Variants in AOPEP observed in about 807,000 individuals in gnomAD.
The protein encoded by AOPEP is aminopeptidase O (putative).
A neutral mutation model predicts 98.1 loss-of-function variants in AOPEP; 77 were observed. The observed-to-expected ratio is 0.78, with a 90% CI of 0.65 to 0.95. The LOEUF is 0.95. AOPEP is among the 40% of genes least tolerant of loss of function. The pLI, the probability that AOPEP is intolerant of heterozygous loss-of-function variation, is 0.00. For synonymous variants in AOPEP, 346 were observed against 365.3 expected, an observed-to-expected ratio of 0.95 and a Z score of 0.60; for missense variants, 1,024 against 1,024.7, an observed-to-expected ratio of 1.00 and a Z score of 0.01.
chr9:95,135,564 A>G, the AOPEP span: 1 of 1,463,802 alleles, frequency 6.8e-7, no homozygotes, highest in South Asian at 1.2e-5. Context: ...AGAAGATTAA[A>G]AAAAGTTCAA....
At chr9:94,830,475 T>C (rs532495704) in intron 5 of AOPEP, among the ~76,000 whole-genome samples, 1 of 152,368 alleles carries the variant, frequency 6.6e-6, no homozygotes, top group East Asian at 1.9e-4. Flanking sequence ...ATGTCTTTGC[T>C]ATTGTGAATA....
intron 11 of AOPEP, chr9:95,004,189 C>A: frequency 2.2e-6 from 1 of 455,750 alleles, no homozygotes; most frequent in Non-Finnish European, 4.4e-6. Flanking sequence ...CGCCCCGGCC[C>A]GCCCTCACCG....
At chr9:94,757,385 A>G (rs1489233026) in intron 1 of AOPEP, among the ~76,000 whole-genome samples, 2 of 152,234 alleles carry the variant, frequency 1.3e-5, no homozygotes, top group East Asian at 1.9e-4. Flanking sequence ...CAAACGTTTC[A>G]TCACTTAAAA....
chr9:95,007,025 C>T (rs2062080523), intron 13 of AOPEP, among the ~76,000 whole-genome samples: 2 of 151,710 alleles, frequency 1.3e-5, no homozygotes, highest in Admixed American at 6.6e-5. Context: ...CCTCAGCCTC[C>T]CGAATAGCTG....
At chr9:95,088,280 G>C (rs1321407451), downstream of AOPEP, among the ~76,000 whole-genome samples, 3 of 151,238 alleles carry the variant, frequency 2.0e-5, no homozygotes, top group African/African-American at 7.3e-5. Flanking sequence ...CACGATCTCT[G>C]TACACTGCAA....
intron 14 of AOPEP, among the ~76,000 whole-genome samples, chr9:95,062,503 G>GA (rs1440129078): frequency 6.6e-6 from 1 of 152,228 alleles, no homozygotes; most frequent in Non-Finnish European, 1.5e-5. Flanking sequence ...CTGCAAGTGA[G>GA]AAGCCTATTC....
the AOPEP span, among the ~76,000 whole-genome samples, chr9:95,142,283 G>A: frequency 2.0e-5 from 3 of 152,056 alleles, no homozygotes; most frequent in South Asian, 2.1e-4. Context: ...GTGAGCCACC[G>A]TGCCCGGCCA....
chr9:94,889,565 G>T (rs1452780263), intron 5 of AOPEP, among the ~76,000 whole-genome samples: 1 of 151,502 alleles, frequency 6.6e-6, no homozygotes, highest in Non-Finnish European at 1.5e-5. Flanking sequence ...ATAGCTCACT[G>T]CAGCCTCGAC....
At chr9:95,150,113 C>G in the AOPEP span, 1 of 1,613,382 alleles carries the variant, frequency 6.2e-7, no homozygotes, top group Admixed American at 1.7e-5. Flanking sequence ...GAAATAATCA[C>G]TCAAATCTAA....
chr9:94,964,098 C>T (rs1014996514), intron 9 of AOPEP, among the ~76,000 whole-genome samples: 4 of 152,286 alleles, frequency 2.6e-5, no homozygotes, highest in South Asian at 2.1e-4. Flanking sequence ...AGAAGAATAT[C>T]GAACGCTATA....
intron 5 of AOPEP, among the ~76,000 whole-genome samples, chr9:94,903,009 C>T (rs2050625358): frequency 6.8e-6 from 1 of 146,686 alleles, no homozygotes. Context: ...AAGACAGAGT[C>T]TCATTCTGTC....
intron 13 of AOPEP, among the ~76,000 whole-genome samples, chr9:95,035,890 G>GCCC (rs1335455807): frequency 2.0e-5 from 3 of 151,860 alleles, no homozygotes; most frequent in African/African-American, 7.3e-5. Flanking sequence ...GCAGGCACCG[G>GCCC]CCCCCAATCA....
At chr9:94,741,548 G>A (rs1320044797) in intron 1 of AOPEP, among the ~76,000 whole-genome samples, 1 of 152,060 alleles carries the variant, frequency 6.6e-6, no homozygotes, top group African/African-American at 2.4e-5. Context: ...TGAGATTACG[G>A]GTGTGAGCCA....
At chr9:95,045,113 C>T (rs2065722919) in intron 13 of AOPEP, among the ~76,000 whole-genome samples, 2 of 152,168 alleles carry the variant, frequency 1.3e-5, no homozygotes, top group Non-Finnish European at 2.9e-5. Flanking sequence ...TGCCCAAGGT[C>T]ACAAGGTGAG....
intron 10 of AOPEP, among the ~76,000 whole-genome samples, chr9:94,974,833 A>G (rs1052058366): frequency 3.9e-5 from 6 of 152,326 alleles, no homozygotes; most frequent in Non-Finnish European, 7.4e-5. Context: ...TTTCATAGCC[A>G]CGCACCAAAG....
chr9:95,039,404 A>C (rs2065100421), intron 13 of AOPEP, among the ~76,000 whole-genome samples: 1 of 150,862 alleles, frequency 6.6e-6, no homozygotes, highest in Non-Finnish European at 1.5e-5. Flanking sequence ...CCATCTCTAC[A>C]AAAAAAAATA....
At chr9:94,839,893 C>T (rs534696584) in intron 5 of AOPEP, among the ~76,000 whole-genome samples, 1 of 152,072 alleles carries the variant, frequency 6.6e-6, no homozygotes, top group Non-Finnish European at 1.5e-5. Context: ...CTCAGCTTCC[C>T]AAGTAGCTGG....
At chr9:95,055,572 A>G (rs1405418634) in intron 13 of AOPEP, among the ~76,000 whole-genome samples, 3 of 152,138 alleles carry the variant, frequency 2.0e-5, no homozygotes, top group East Asian at 3.9e-4. Context: ...TAATGAGGGC[A>G]CTGTGTGATT....
chr9:94,759,439 G>A (rs1837780723), intron 1 of AOPEP, among the ~76,000 whole-genome samples: 1 of 152,230 alleles, frequency 6.6e-6, no homozygotes, highest in African/African-American at 2.4e-5. Context: ...GGAGGCCCAT[G>A]CCATCCAGTT....
Sources: gnomAD v4.1 joint callset for allele counts (sites outside exome capture counted in the v4.1 genomes callset) on GRCh38, gnomAD v4.1.1 for gene constraint, MANE v1.5 for transcripts, NCBI Gene and HGNC (gene_info 2026-07-23, HGNC 2026-07-21) for gene names.